The following HDAC9 variants were observed in gnomAD, a reference collection of about 807,000 sequenced individuals.
HDAC9 encodes the protein histone deacetylase 9.
A neutral mutation model predicts 139.4 loss-of-function variants in HDAC9; 41 were observed. That is an observed-to-expected ratio of 0.29 (90% CI 0.23 to 0.38). HDAC9 has a LOEUF of 0.38. Among genes scored for constraint, HDAC9 ranks in the 10% least tolerant of loss-of-function variants. The pLI is 1.00. For synonymous variants in HDAC9, 517 were observed against 476.2 expected (o/e 1.09, Z -1.12); for missense variants, 1,147 against 1,297.0 (o/e 0.88, Z 1.78).
intron 16 of HDAC9, among the ~76,000 whole-genome samples, chr7:18,768,498 A>T (rs532536243): frequency 1.6e-4 from 24 of 152,140 alleles, no homozygotes; most frequent in Non-Finnish European, 3.5e-4. Flanking sequence ...ATCCTTGCTT[A>T]TTTTTAGCCA....
intron 2 of HDAC9, among the ~76,000 whole-genome samples, chr7:18,557,778 A>G (rs1819329745): frequency 6.6e-6 from 1 of 150,488 alleles, no homozygotes; most frequent in South Asian, 2.1e-4. Flanking sequence ...AAAATGAAAT[A>G]TTATTTATAT....
intron 12 of HDAC9, among the ~76,000 whole-genome samples, chr7:18,700,110 C>T (rs185242170): frequency 6.6e-6 from 1 of 151,960 alleles, no homozygotes; most frequent in East Asian, 1.9e-4. Flanking sequence ...GCATTGGAAG[C>T]TACAAGAAGA....
intron 2 of HDAC9, among the ~76,000 whole-genome samples, chr7:18,209,644 C>G (rs933097722): frequency 1.1e-4 from 16 of 152,056 alleles, no homozygotes; most frequent in Non-Finnish European, 2.2e-4. Context: ...TTATTGAAAT[C>G]AGAGTGGTTG....
At chr7:18,377,004 G>A (rs1342425241) in intron 1 of HDAC9, among the ~76,000 whole-genome samples, 1 of 152,116 alleles carries the variant, frequency 6.6e-6, no homozygotes, top group Non-Finnish European at 1.5e-5. Context: ...GAATTAAAGA[G>A]ACTGTAAAGT....
chr7:18,249,986 T>C (rs1009740097), intron 2 of HDAC9, among the ~76,000 whole-genome samples: 2 of 152,130 alleles, frequency 1.3e-5, no homozygotes, highest in African/African-American at 4.8e-5. Context: ...TAAATAACCA[T>C]CTAGTGAGAG....
intron 1 of HDAC9, among the ~76,000 whole-genome samples, chr7:18,328,161 A>C (rs968320379): frequency 6.6e-6 from 1 of 151,948 alleles, no homozygotes; most frequent in South Asian, 2.1e-4. Context: ...TTTAGTTCCT[A>C]TTGAAATTGG....
chr7:18,282,562 G>A (rs1486993916), intron 2 of HDAC9, among the ~76,000 whole-genome samples: 1 of 152,128 alleles, frequency 6.6e-6, no homozygotes, highest in Non-Finnish European at 1.5e-5. Flanking sequence ...TGCACTGAGG[G>A]AAAGTGATTA....
chr7:18,164,303 T>TA (rs1197965320), intron 2 of HDAC9, among the ~76,000 whole-genome samples: 3 of 151,882 alleles, frequency 2.0e-5, no homozygotes, highest in African/African-American at 7.2e-5. Context: ...GCCACAAACA[T>TA]AAAAAAAAAT....
chr7:18,272,322 A>T (rs1304351004), intron 2 of HDAC9, among the ~76,000 whole-genome samples: 2 of 152,178 alleles, frequency 1.3e-5, no homozygotes, highest in African/African-American at 4.8e-5. Flanking sequence ...CTCTTTCTTG[A>T]CGGGGGCATA....
intron 2 of HDAC9, among the ~76,000 whole-genome samples, chr7:18,508,991 G>T (rs1179846808): frequency 6.6e-6 from 1 of 152,116 alleles, no homozygotes; most frequent in African/African-American, 2.4e-5. Flanking sequence ...TTCGTGACAT[G>T]TTGTTACAAA....
intron 22 of HDAC9, among the ~76,000 whole-genome samples, chr7:18,931,849 G>T (rs1015638967): frequency 1.3e-5 from 2 of 152,088 alleles, no homozygotes; most frequent in African/African-American, 4.8e-5. Context: ...GGGCAGAGAG[G>T]GAGGATGAAT....
chr7:18,366,867 A>G (rs182662035), intron 1 of HDAC9, among the ~76,000 whole-genome samples: 1 of 151,132 alleles, frequency 6.6e-6, no homozygotes. Flanking sequence ...CACATCTTCT[A>G]TATATTGTGT....
chr7:18,905,401 T>G (rs1027511287), intron 22 of HDAC9, among the ~76,000 whole-genome samples: 3 of 152,364 alleles, frequency 2.0e-5, no homozygotes, highest in African/African-American at 7.2e-5. Flanking sequence ...ATTCAAAGCT[T>G]CTTCACGTAG....
intron 12 of HDAC9, chr7:18,667,545 ACAACTTTGAAGG>A: frequency 1.0e-6 from 1 of 985,330 alleles, no homozygotes; most frequent in Non-Finnish European, 1.2e-6. Flanking sequence ...TAAAATACAA[ACAACTTTGAAGG>A]CAACAGAAGA....
intron 21 of HDAC9, among the ~76,000 whole-genome samples, chr7:18,853,002 G>A (rs2129225396): frequency 6.6e-6 from 1 of 152,162 alleles, no homozygotes; most frequent in Admixed American, 6.5e-5. Flanking sequence ...ATTTACATGG[G>A]GAGCGCACAC....
intron 1 of HDAC9, among the ~76,000 whole-genome samples, chr7:18,321,908 G>A (rs753412903): frequency 1.7e-4 from 26 of 152,106 alleles, no homozygotes; most frequent in Non-Finnish European, 2.8e-4. Flanking sequence ...AAATATTTCT[G>A]CTTTCCATTA....
chr7:18,868,057 G>T (rs1798624881), intron 21 of HDAC9, among the ~76,000 whole-genome samples: 1 of 151,976 alleles, frequency 6.6e-6, no homozygotes, highest in South Asian at 2.1e-4. Flanking sequence ...TATGTTTGTT[G>T]TCTGAACTTT....
At chr7:18,106,499 C>A (rs758118338) in intron 1 of HDAC9, among the ~76,000 whole-genome samples, 1 of 152,118 alleles carries the variant, frequency 6.6e-6, no homozygotes, top group Admixed American at 6.5e-5. Flanking sequence ...GTCTCCCAGG[C>A]TGGAGTGCAG....
intron 1 of HDAC9, among the ~76,000 whole-genome samples, chr7:18,298,011 C>T (rs1798263697): frequency 6.6e-6 from 1 of 152,138 alleles, no homozygotes; most frequent in African/African-American, 2.4e-5. Context: ...TTCTCAGAGT[C>T]CTGCTACTTA....
Sources: gnomAD v4.1 joint callset for allele counts (sites outside exome capture counted in the v4.1 genomes callset) on GRCh38, gnomAD v4.1.1 for gene constraint, MANE v1.5 for transcripts, NCBI Gene and HGNC (gene_info 2026-07-23, HGNC 2026-07-21) for gene names.